DOCK4: variants seen among roughly 807,000 people sequenced by gnomAD.
DOCK4 encodes dedicator of cytokinesis protein 4.
In DOCK4, 97 loss-of-function variants were observed where a neutral mutation model predicts 268.1. The observed-to-expected ratio is 0.36, with a 90% CI of 0.31 to 0.43. The LOEUF (loss-of-function observed/expected upper bound fraction) is 0.43. Ranked by LOEUF, DOCK4 falls within the 20% of genes least tolerant of loss-of-function variation. DOCK4 has a pLI of 1.00. For missense variants in DOCK4, 2,145 were observed against 2,455.7 expected, an observed-to-expected ratio of 0.87 and a Z score of 2.67; for synonymous variants, 954 against 887.2, an observed-to-expected ratio of 1.08 and a Z score of -1.34.
chr7:111,977,411 T>G (rs933260923), intron 7 of DOCK4, 128 bp from the exon 8 acceptor site: 1 of 1,053,430 alleles, frequency 9.5e-7, no homozygotes, highest in Non-Finnish European at 1.3e-6. Context: ...GCTGTGGATT[T>G]GGTATCTAAA....
At chr7:112,116,205 C>A (rs1429493913) in intron 1 of DOCK4, among the ~76,000 whole-genome samples, 3 of 152,092 alleles carry the variant, frequency 2.0e-5, no homozygotes, top group Non-Finnish European at 2.9e-5. Flanking sequence ...CACTAACCTG[C>A]TTTCTGTCTC....
chr7:111,841,562 T>A (rs190361715), intron 25 of DOCK4, among the ~76,000 whole-genome samples: 1 of 152,084 alleles, frequency 6.6e-6, no homozygotes, highest in East Asian at 1.9e-4. Context: ...GCTAGGTCTG[T>A]CTGAGTACTC....
intron 13 of DOCK4, among the ~76,000 whole-genome samples, chr7:111,912,681 A>G (rs1416369848): frequency 6.6e-6 from 1 of 152,070 alleles, no homozygotes; most frequent in Admixed American, 6.6e-5. Flanking sequence ...ATCAAGACAG[A>G]AAGGAAAAGA....
intron 49 of DOCK4, among the ~76,000 whole-genome samples, chr7:111,738,243 G>C (rs3801788): frequency 6.6e-6 from 1 of 152,024 alleles, no homozygotes; most frequent in Non-Finnish European, 1.5e-5. Flanking sequence ...GTTCAGGCAG[G>C]GGGTGAGGGC....
In DOCK4 at chr7:111,987,743, G is replaced by A. The variant is rs529976106; in HGVS notation, c.464+1272C>T. Among the ~76,000 whole-genome samples, 16 of 152,308 alleles carry A rather than the reference G, an allele frequency of 1.1e-4. No individual in the cohort carries two copies. The South Asian group carries it at 3.1e-3, about 30-fold the overall frequency. On this transcript the variant is annotated intron_variant, in intron 6 of 52. Coordinates refer to ENST00000428084, the MANE Select transcript of DOCK4 (RefSeq NM_001363540.2). ...AACAGATGAGGAACTGACATGAAGA[G>A]GGTTAAGGAATTTGCTTCAGGTCCT...
intron 32 of DOCK4, chr7:111,784,341 T>G (rs560183230): frequency 3.0e-5 from 21 of 696,780 alleles, no homozygotes; most frequent in Non-Finnish European, 5.5e-5. Context: ...AAGTTTACTT[T>G]TAAGCAAGAT....
rs1799632051 is a variant in DOCK4, at chr7:111,792,664, T to C, written c.3167-2059A>G. 4.6e-5 allele frequency among the ~76,000 whole-genome samples: 7 copies of C among 152,338 alleles called. No individual in the cohort carries two copies. The South Asian group carries it at 1.4e-3, about 32-fold the overall frequency. ...TCCCAAAGTGCTGGGTTTACAGGCG[T>C]GAGCCGCTGCGCCTGGCTTACAGGG... On this transcript the variant is annotated intron_variant, in intron 30 of 52. Transcript: ENST00000428084.
At chr7:111,995,370 TATA>T (rs1347514230) in intron 4 of DOCK4, among the ~76,000 whole-genome samples, 1 of 151,844 alleles carries the variant, frequency 6.6e-6, no homozygotes, top group Non-Finnish European at 1.5e-5. Flanking sequence ...ACCTTTGGCA[TATA>T]ATAATCTTCA....
At chr7:112,126,045 T>A (rs1813191773) in intron 1 of DOCK4, among the ~76,000 whole-genome samples, 1 of 152,110 alleles carries the variant, frequency 6.6e-6, no homozygotes, top group East Asian at 1.9e-4. Context: ...AAGTGATCCA[T>A]CCTCCTTGGT....
chr7:112,202,474 T>G (rs1006130504), intron 1 of DOCK4, among the ~76,000 whole-genome samples: 5 of 151,998 alleles, frequency 3.3e-5, no homozygotes, highest in African/African-American at 1.2e-4. Flanking sequence ...TTTAAATGTT[T>G]TTTACACCAC....
At position 112,121,438 on chromosome 7, in the gene DOCK4, T is replaced by C. The variant is rs116471762; in HGVS notation, c.37+84664A>G. On this transcript the variant is annotated intron_variant, in intron 1 of 52. Coordinates refer to ENST00000428084, the MANE Select transcript of DOCK4 (RefSeq NM_001363540.2). ...ATCTCCATCAACAAAACGTTTAACA[T>C]AGCTTTAGACAAATCCACAGGGGCA... Among the ~76,000 whole-genome samples, 1,155 of 152,286 alleles carry C rather than the reference T, an allele frequency of 7.6e-3. 11 individuals carry two copies. Among genetic ancestry groups the C allele is most frequent in the African/African-American group, 0.023 (975 of 41,550 alleles).
intron 2 of DOCK4, among the ~76,000 whole-genome samples, chr7:112,003,367 G>A (rs1482627607): frequency 2.0e-5 from 3 of 152,246 alleles, no homozygotes; most frequent in Non-Finnish European, 4.4e-5. Context: ...CTACCTGGGT[G>A]ACAAAGGAAG....
intron 1 of DOCK4, among the ~76,000 whole-genome samples, chr7:112,172,615 A>G (rs1306303358): frequency 6.6e-6 from 1 of 152,272 alleles, no homozygotes; most frequent in Admixed American, 6.5e-5. Flanking sequence ...AAATTACAGT[A>G]ATTCACATCT....
chr7:111,882,812 A>G (rs1807513064), intron 16 of DOCK4, among the ~76,000 whole-genome samples: 1 of 152,070 alleles, frequency 6.6e-6, no homozygotes, highest in Non-Finnish European at 1.5e-5. Flanking sequence ...GGATTGCTCC[A>G]TGTTGAGGCT....
At chr7:112,179,789 C>T (rs1296898688) in intron 1 of DOCK4, among the ~76,000 whole-genome samples, 1 of 152,136 alleles carries the variant, frequency 6.6e-6, no homozygotes, top group Non-Finnish European at 1.5e-5. Context: ...AGATTTAAAA[C>T]CCCTCAAAAT....
intron 1 of DOCK4, among the ~76,000 whole-genome samples, chr7:112,163,754 C>G (rs191837182): frequency 6.6e-6 from 1 of 152,046 alleles, no homozygotes; most frequent in African/African-American, 2.4e-5. Flanking sequence ...TAAATTGCCC[C>G]AGACCCACAG....
chr7:111,840,829 A>G (rs1195885287), intron 25 of DOCK4: 2 of 1,350,358 alleles, frequency 1.5e-6, no homozygotes, highest in African/African-American at 3.0e-5. Flanking sequence ...TGCTCAATGT[A>G]GTACTGCCAT....
intron 24 of DOCK4, among the ~76,000 whole-genome samples, chr7:111,845,316 C>T (rs1449936758): frequency 6.6e-6 from 1 of 152,172 alleles, no homozygotes; most frequent in Non-Finnish European, 1.5e-5. Flanking sequence ...TTACATCAGT[C>T]ATTTTCCGAA....
chr7:111,937,855 C>A (rs1794867481), intron 11 of DOCK4, among the ~76,000 whole-genome samples: 1 of 152,200 alleles, frequency 6.6e-6, no homozygotes, highest in South Asian at 2.1e-4. Context: ...AACTCTCGTT[C>A]CCCTATGAGT....
Sources: allele counts gnomAD v4.1 joint callset (sites outside exome capture counted in the v4.1 genomes callset), GRCh38; gene constraint gnomAD v4.1.1; transcripts MANE v1.5; gene names NCBI Gene and HGNC (gene_info 2026-07-23, HGNC 2026-07-21).